Variants in VRK3 observed in about 807,000 individuals in gnomAD.
The protein encoded by VRK3 is serine/threonine-protein kinase VRK3.
A neutral mutation model predicts 60.4 loss-of-function variants in VRK3; 50 were observed. The observed-to-expected ratio is 0.83, with a 90% CI of 0.66 to 1.05. The LOEUF is 1.05. Among genes scored for constraint, VRK3 ranks in the 50% least tolerant of loss-of-function variants. The pLI is 0.00. For synonymous variants in VRK3, 246 were observed against 227.8 expected, an observed-to-expected ratio of 1.08 and a Z score of -0.72; for missense variants, 549 against 585.3, an observed-to-expected ratio of 0.94 and a Z score of 0.64.
At chr19:50,015,767 T>TC in intron 3 of VRK3, 1 of 483,926 alleles carries the variant, frequency 2.1e-6, no homozygotes, top group African/African-American at 1.9e-5. Flanking sequence ...CACATATATC[T>TC]CCTCCAAGCA....
At chr19:50,008,252 T>C (rs1181395367) in intron 4 of VRK3, among the ~76,000 whole-genome samples, 3 of 152,020 alleles carry the variant, frequency 2.0e-5, no homozygotes, top group African/African-American at 7.3e-5. Context: ...AAAAACATCC[T>C]GAAAAAGGAC....
chr19:49,990,026 AT>A (rs896796134), intron 10 of VRK3, among the ~76,000 whole-genome samples: 267 of 147,774 alleles, frequency 1.8e-3, no homozygotes, highest in Admixed American at 2.3e-3. Flanking sequence ...TCATTCCAAA[AT>A]TTTTTTTTTT....
chr19:49,989,261 A>G (rs540011691), intron 11 of VRK3, among the ~76,000 whole-genome samples: 3 of 152,146 alleles, frequency 2.0e-5, no homozygotes, highest in East Asian at 1.9e-4. Flanking sequence ...GCTTCGGCTG[A>G]TAACTTCTGA....
chr19:50,018,230 G>A (rs1400057408), intron 2 of VRK3, among the ~76,000 whole-genome samples: 1 of 152,216 alleles, frequency 6.6e-6, no homozygotes, highest in Non-Finnish European at 1.5e-5. Flanking sequence ...TGAGAACAGG[G>A]CCTGGCCCAT....
chr19:49,994,101 C>G (rs1182068333), intron 9 of VRK3, among the ~76,000 whole-genome samples: 1 of 152,188 alleles, frequency 6.6e-6, no homozygotes, highest in Non-Finnish European at 1.5e-5. Context: ...TGCCATACTG[C>G]AGATACTGAA....
At position 50,006,407 on chromosome 19, in the gene VRK3, G is replaced by A. The variant is rs573331776; in HGVS notation, c.547+1162C>T. Among the ~76,000 whole-genome samples, 18 of 150,912 alleles carry A rather than the reference G, an allele frequency of 1.2e-4. No individual in the cohort carries two copies. The East Asian group carries it at 3.1e-3, about 26-fold the overall frequency. On this transcript the variant is annotated intron_variant, in intron 5 of 14. Transcript: ENST00000316763. ...ATTTTTTTTTTTGAGACGGAGTCTC[G>A]CTCTGTCACCCAGGATGGAGTGCAG...
At position 49,994,881 on chromosome 19, in the gene VRK3, G is replaced by A. The variant is rs10410075; in HGVS notation, c.803C>T (p.Ser268Leu). 9.9e-3 allele frequency: 15,953 copies of A among 1,614,032 alleles called. 1,379 individuals are homozygous for A. The African/African-American group carries it at 0.19, about 19-fold the overall frequency. ...ATGCTTTGGGCTGACATCCAGGGCCGACTGAAGGCTCCTCCCCAGGCTGGG... is the reference window on the plus strand; with the variant it reads ...ATGCTTTGGGCTGACATCCAGGGCCAACTGAAGGCTCCTCCCCAGGCTGGG... ...VLPSLGRSLQ[S>L]ALDVSPKHVL... is the part of the protein sequence containing the mutation. The change falls in exon 9 of 15, where the codon TCG becomes TTG. Residue 268 changes from serine to leucine, a missense_variant. Coordinates refer to ENST00000316763, the MANE Select transcript of VRK3 (RefSeq NM_016440.4).
chr19:49,999,108 G>A (rs1332355072), intron 6 of VRK3: 2 of 152,182 alleles, frequency 1.3e-5, no homozygotes, highest in Admixed American at 6.5e-5. Flanking sequence ...GGGTGACAGA[G>A]AGAGATCCTG....
chr19:49,980,206 G>T (rs1206331935), intron 13 of VRK3, among the ~76,000 whole-genome samples: 1 of 152,084 alleles, frequency 6.6e-6, no homozygotes, highest in South Asian at 2.1e-4. Flanking sequence ...AAGACAACAG[G>T]AAAAACAAAC....
Position 50,015,919 on chromosome 19 carries a change from C to T in VRK3, c.139+105G>A, listed in dbSNP as rs2077068351. 8 of 1,513,754 alleles carry T rather than the reference C, an allele frequency of 5.3e-6. No individual in the cohort carries two copies. The Admixed American group carries it at 1.4e-4, about 27-fold the overall frequency. The allele number at this position is 1,513,754 out of a possible 1,614,324, so 93.8% of individuals were successfully genotyped here. A position where few individuals can be genotyped will look rare whatever the true frequency, so the allele number is the denominator to read the frequency against. On this transcript the variant is annotated intron_variant, in intron 3 of 14. Coordinates refer to ENST00000316763, the MANE Select transcript of VRK3 (RefSeq NM_016440.4). ...CCTGAGGCCTGGGCTTCTCCAGTGT[C>T]AGGACAGGGTCAGACAGGCTGCAAA...
chr19:50,000,384 T>C (rs2076782336), intron 6 of VRK3: 1 of 206,782 alleles, frequency 4.8e-6, no homozygotes, highest in Non-Finnish European at 9.8e-6. Flanking sequence ...CCCCATCTGC[T>C]GGGTTCTCTT....
In VRK3 at chr19:50,009,387, T is replaced by C; in HGVS notation, c.140-2A>G. On this transcript the variant is annotated splice_acceptor_variant, in intron 3 of 14. Coordinates refer to ENST00000316763, the MANE Select transcript of VRK3 (RefSeq NM_016440.4). LOFTEE classifies it high-confidence loss of function. The stretch of plus-strand genomic sequence containing the variant: ...TGGAGTTCAGCCCTCTCTTTGAGCC[T>C]AAAGAAAGGCAGACAAAATGCAGAC... 1.9e-6 allele frequency: 3 copies of C among 1,613,080 alleles called. No individual in the cohort carries two copies. The highest frequency in any genetic ancestry group is 2.5e-6 in the Non-Finnish European group (3 of 1,179,638).
At chr19:49,995,919 T>A (rs576230336) in intron 7 of VRK3, among the ~76,000 whole-genome samples, 23 of 152,152 alleles carry the variant, frequency 1.5e-4, no homozygotes, top group African/African-American at 5.3e-4. Flanking sequence ...CAGCTAATTT[T>A]TTTTTATTTT....
At chr19:49,983,267 T>C (rs1471941299) in intron 12 of VRK3, among the ~76,000 whole-genome samples, 1 of 152,168 alleles carries the variant, frequency 6.6e-6, no homozygotes, top group Non-Finnish European at 1.5e-5. Context: ...CACGCACGTA[T>C]GCCTCTGCAC....
At chr19:50,004,556 G>A (rs183098593) in intron 5 of VRK3, among the ~76,000 whole-genome samples, 27 of 152,244 alleles carry the variant, frequency 1.8e-4, no homozygotes, top group Admixed American at 1.2e-3. Flanking sequence ...TTGCAGGATG[G>A]GGTAATATGG....
At chr19:49,997,666 A>G in intron 6 of VRK3, 96 bp from the exon 7 acceptor site, 1 of 1,380,248 alleles carries the variant, frequency 7.2e-7, no homozygotes, top group Non-Finnish European at 1.0e-6. Context: ...CTCAATGACC[A>G]GGCTCCTCAT....
intron 9 of VRK3, among the ~76,000 whole-genome samples, chr19:49,994,472 TCTC>T (rs1334737501): frequency 6.6e-6 from 1 of 152,204 alleles, no homozygotes; most frequent in East Asian, 1.9e-4. Flanking sequence ...CGGACCATCC[TCTC>T]CTCATCTATC....
chr19:50,004,497 T>C (rs1305988229), intron 5 of VRK3, among the ~76,000 whole-genome samples: 1 of 152,158 alleles, frequency 6.6e-6, no homozygotes, highest in Non-Finnish European at 1.5e-5. Flanking sequence ...CTCTACTACT[T>C]CCAGGCTGTG....
intron 12 of VRK3, among the ~76,000 whole-genome samples, chr19:49,987,465 T>C (rs1352357721): frequency 6.6e-6 from 1 of 152,196 alleles, no homozygotes; most frequent in East Asian, 1.9e-4. Flanking sequence ...GCCCTTAGTG[T>C]TCAATCTCAC....
Sources: allele counts gnomAD v4.1 joint callset (sites outside exome capture counted in the v4.1 genomes callset), GRCh38; gene constraint gnomAD v4.1.1; transcripts MANE v1.5; gene names NCBI Gene and HGNC (gene_info 2026-07-23, HGNC 2026-07-21).